The following WASF3 variants were observed in gnomAD, a reference collection of about 807,000 sequenced individuals.
The protein encoded by WASF3 is actin-binding protein WASF3.
WASF3 carries 11 observed loss-of-function variants against 46.6 expected under a neutral mutation model. The ratio of observed to expected loss-of-function variants is 0.24; its 90% CI spans 0.15 to 0.39. The LOEUF (loss-of-function observed/expected upper bound fraction) is 0.39, where lower values mean the gene tolerates loss of function less well. Ranked by LOEUF, WASF3 falls within the 10% of genes least tolerant of loss-of-function variation. WASF3 has a pLI of 1.00. For missense variants in WASF3, 576 were observed against 669.8 expected (o/e 0.86, Z 1.55); for synonymous variants, 242 against 259.7 (o/e 0.93, Z 0.65).
At chr13:26,552,827 T>C (rs1162540704), upstream of WASF3, among the ~76,000 whole-genome samples, 2 of 152,178 alleles carry the variant, frequency 1.3e-5, no homozygotes, top group Admixed American at 6.5e-5. Flanking sequence ...GTAAAAAGAA[T>C]GACAATTGTT....
At chr13:26,553,817 A>C (rs992281839), upstream of WASF3, among the ~76,000 whole-genome samples, 2 of 51,304 alleles carry the variant, frequency 3.9e-5, no homozygotes, top group African/African-American at 9.6e-5. Flanking sequence ...ACTCCATCTC[A>C]AAAAAAAAAA....
At chr13:26,632,376 C>T (rs1881676949) in intron 2 of WASF3, among the ~76,000 whole-genome samples, 6 of 152,134 alleles carry the variant, frequency 3.9e-5, no homozygotes, top group Admixed American at 3.9e-4. Context: ...GAGTTTTTAG[C>T]ACAAAGGACT....
At chr13:26,611,551 A>G (rs139635089) in intron 1 of WASF3, among the ~76,000 whole-genome samples, 101 of 152,294 alleles carry the variant, frequency 6.6e-4, no homozygotes, top group African/African-American at 2.3e-3. Context: ...CTTAAGTGAA[A>G]TGTATAGGGC....
rs772534603 is a variant in WASF3 at position 26,642,275 on chromosome 13, C to T, written c.5C>T (p.Pro2Leu). Reference protein sequence around the residue: MPLVKRNIEPRH... With the variant: MLLVKRNIEPRH... ...TCAATTTTCAGATTGTGAACCATGC[C>T]TTTAGTGAAGAGGAACATTGAGCCC... The change falls in exon 3 of 10, where the codon CCT (proline) becomes CTT (leucine). Residue 2 changes from proline to leucine, a missense_variant. Coordinates refer to ENST00000335327, the MANE Select transcript of WASF3 (RefSeq NM_006646.6). 6.4e-7 allele frequency: 1 copy of T among 1,567,982 alleles called. No individual in the cohort carries two copies. The highest frequency in any genetic ancestry group is 8.6e-7 in the Non-Finnish European group (1 of 1,164,906).
intron 1 of WASF3, among the ~76,000 whole-genome samples, chr13:26,572,366 T>A (rs990078465): frequency 5.9e-5 from 9 of 152,184 alleles, no homozygotes; most frequent in African/African-American, 2.2e-4. Context: ...ACTAATTCAT[T>A]CTTGTTCTGT....
At chr13:26,587,298 CTAAA>C (rs997084067) in intron 1 of WASF3, among the ~76,000 whole-genome samples, 1 of 142,658 alleles carries the variant, frequency 7.0e-6, no homozygotes, top group Non-Finnish European at 1.5e-5. Flanking sequence ...AAATTCAATT[CTAAA>C]TAAATAAAAG....
chr13:26,632,488 A>T (rs55853913), intron 2 of WASF3, among the ~76,000 whole-genome samples: 7,167 of 152,238 alleles, frequency 0.047, 593 homozygotes, highest in African/African-American at 0.16. Context: ...TGATTTGCAT[A>T]TGTTGAACCA....
At chr13:26,623,031 C>A (rs889214610) in intron 2 of WASF3, among the ~76,000 whole-genome samples, 3 of 152,196 alleles carry the variant, frequency 2.0e-5, no homozygotes, top group African/African-American at 7.2e-5. Context: ...GACACTTGAA[C>A]TGTTTCACAT....
At chr13:26,584,701 T>C (rs1198139169) in intron 1 of WASF3, among the ~76,000 whole-genome samples, 1 of 152,230 alleles carries the variant, frequency 6.6e-6, no homozygotes, top group African/African-American at 2.4e-5. Context: ...TGTTCAGTTA[T>C]CTAGGAAACA....
chr13:26,563,980 T>C (rs1365082193), intron 1 of WASF3, among the ~76,000 whole-genome samples: 1 of 152,150 alleles, frequency 6.6e-6, no homozygotes, highest in East Asian at 1.9e-4. Flanking sequence ...CTTGGAGCAG[T>C]GGTCTTGAAA....
chr13:26,553,391 A>G (rs1210034065), upstream of WASF3, among the ~76,000 whole-genome samples: 1 of 151,986 alleles, frequency 6.6e-6, no homozygotes, highest in African/African-American at 2.4e-5. Flanking sequence ...CCACGGTTCC[A>G]TTTTATAGGC....
chr13:26,627,567 G>C (rs1349249985), intron 2 of WASF3, among the ~76,000 whole-genome samples: 2 of 152,056 alleles, frequency 1.3e-5, no homozygotes, highest in Non-Finnish European at 2.9e-5. Flanking sequence ...GGGGTGGGCT[G>C]GGGGGACGTG....
intron 1 of WASF3, among the ~76,000 whole-genome samples, chr13:26,569,041 G>A (rs116980152): frequency 0.02 from 3,026 of 152,234 alleles, 75 homozygotes; most frequent in Non-Finnish European, 0.024. Context: ...AATTGCTGCC[G>A]TTTTAAATTA....
chr13:26,658,637 A>G (rs981187432), intron 3 of WASF3, among the ~76,000 whole-genome samples: 3 of 152,234 alleles, frequency 2.0e-5, no homozygotes, highest in Non-Finnish European at 4.4e-5. Context: ...TTAACAAGAA[A>G]CACTGGCATA....
At chr13:26,559,782 C>T (rs894027563) in intron 1 of WASF3, among the ~76,000 whole-genome samples, 71 of 87,520 alleles carry the variant, frequency 8.1e-4, no homozygotes, top group Admixed American at 1.4e-3. Flanking sequence ...ATCTCTTTTT[C>T]TTTTCTTTTC....
At chr13:26,677,327 T>C (rs1282649149) in intron 7 of WASF3, among the ~76,000 whole-genome samples, 2 of 152,256 alleles carry the variant, frequency 1.3e-5, no homozygotes, top group African/African-American at 4.8e-5. Flanking sequence ...GTCACACTTG[T>C]CACCAAAGGC....
At chr13:26,567,860 G>C (rs1481300032) in intron 1 of WASF3, among the ~76,000 whole-genome samples, 1 of 152,156 alleles carries the variant, frequency 6.6e-6, no homozygotes, top group East Asian at 1.9e-4. Context: ...CACGTGAAGA[G>C]AGAGAATATC....
chr13:26,652,612 C>A, intron 3 of WASF3, among the ~76,000 whole-genome samples: 1 of 151,896 alleles, frequency 6.6e-6, no homozygotes, highest in Non-Finnish European at 1.5e-5. Context: ...ATCTGGTAGG[C>A]CATAAAATAG....
chr13:26,650,255 C>A (rs1882275187), intron 3 of WASF3, among the ~76,000 whole-genome samples: 2 of 152,118 alleles, frequency 1.3e-5, no homozygotes, highest in African/African-American at 4.8e-5. Flanking sequence ...AGACCCAGGG[C>A]CCCAGGCTCA....
Sources: gnomAD v4.1 joint callset for allele counts (sites outside exome capture counted in the v4.1 genomes callset) on GRCh38, gnomAD v4.1.1 for gene constraint, MANE v1.5 for transcripts, NCBI Gene and HGNC (gene_info 2026-07-23, HGNC 2026-07-21) for gene names.